RPS6KC1: variants seen among roughly 807,000 people sequenced by gnomAD.
RPS6KC1 encodes inactive ribosomal protein S6 kinase delta-1.
In RPS6KC1, 54 loss-of-function variants were observed where a neutral mutation model predicts 103.8. The ratio of observed to expected loss-of-function variants is 0.52; its 90% CI spans 0.42 to 0.65. The LOEUF is 0.65. RPS6KC1 is among the 30% of genes least tolerant of loss of function. RPS6KC1 has a pLI of 0.00. For synonymous variants in RPS6KC1, 439 were observed against 438.7 expected (o/e 1.00, Z -0.01); for missense variants, 1,151 against 1,253.8 (o/e 0.92, Z 1.24).
intron 4 of RPS6KC1, among the ~76,000 whole-genome samples, chr1:213,113,574 T>C (rs1462349427): frequency 6.6e-6 from 1 of 151,420 alleles, no homozygotes; most frequent in Non-Finnish European, 1.5e-5. Context: ...TTAGATCCCA[T>C]TTGTCAATTT....
the RPS6KC1 span, among the ~76,000 whole-genome samples, chr1:213,705,684 C>T: frequency 6.6e-6 from 1 of 152,226 alleles, no homozygotes; most frequent in Non-Finnish European, 1.5e-5. Context: ...TGCCCTGTAA[C>T]TACCACAGCT....
chr1:213,075,870 C>T (rs2079290416), intron 2 of RPS6KC1, among the ~76,000 whole-genome samples: 1 of 152,198 alleles, frequency 6.6e-6, no homozygotes, highest in African/African-American at 2.4e-5. Flanking sequence ...TGTCAGTCTA[C>T]TGACCACTTC....
intron 8 of RPS6KC1, among the ~76,000 whole-genome samples, chr1:213,197,812 T>C (rs932830670): frequency 2.0e-5 from 3 of 152,208 alleles, no homozygotes; most frequent in Admixed American, 6.5e-5. Flanking sequence ...AATACCTTTT[T>C]CCATCCCTTT....
At chr1:213,278,454 A>G (rs1558682641), downstream of RPS6KC1, among the ~76,000 whole-genome samples, 1 of 152,246 alleles carries the variant, frequency 6.6e-6, no homozygotes, top group African/African-American at 2.4e-5. Context: ...GATAATTTGT[A>G]GAACACTTGA....
intron 2 of RPS6KC1, among the ~76,000 whole-genome samples, chr1:213,076,530 A>T (rs938343124): frequency 7.2e-5 from 11 of 151,968 alleles, no homozygotes; most frequent in African/African-American, 2.2e-4. Flanking sequence ...GGGATTTAAA[A>T]CTCAATTTTA....
chr1:213,053,182 A>G (rs1350402246), intron 1 of RPS6KC1, among the ~76,000 whole-genome samples: 1 of 152,180 alleles, frequency 6.6e-6, no homozygotes, highest in Admixed American at 6.6e-5. Flanking sequence ...TTCCTAACAC[A>G]TAGTGTATGG....
the RPS6KC1 span, among the ~76,000 whole-genome samples, chr1:213,507,297 A>C: frequency 7.8e-4 from 118 of 152,064 alleles, 1 homozygote; most frequent in South Asian, 1.5e-3. Flanking sequence ...TGGCTCTGGC[A>C]CTCCTACCTG....
the RPS6KC1 span, among the ~76,000 whole-genome samples, chr1:213,602,098 T>TTC: frequency 0.087 from 1,421 of 16,322 alleles, 173 homozygotes; most frequent in Non-Finnish European, 0.12. Flanking sequence ...CTTTCTTTCT[T>TTC]TCTTTCTTTC....
chr1:213,644,936 A>G, the RPS6KC1 span, among the ~76,000 whole-genome samples: 3 of 152,154 alleles, frequency 2.0e-5, no homozygotes, highest in African/African-American at 7.2e-5. Flanking sequence ...CATTCCTTTT[A>G]TTGAAGGGCA....
intron 12 of RPS6KC1, among the ~76,000 whole-genome samples, chr1:213,258,478 A>C (rs1032601146): frequency 1.3e-5 from 2 of 152,216 alleles, no homozygotes; most frequent in African/African-American, 4.8e-5. Flanking sequence ...TTTTAGCTTC[A>C]CATAATTTAA....
At chr1:213,526,747 G>A in the RPS6KC1 span, among the ~76,000 whole-genome samples, 3 of 152,176 alleles carry the variant, frequency 2.0e-5, no homozygotes, top group African/African-American at 7.2e-5. Flanking sequence ...TCATAGGACA[G>A]TTCGGGGGAC....
the RPS6KC1 span, among the ~76,000 whole-genome samples, chr1:213,615,236 A>C: frequency 6.6e-6 from 1 of 152,082 alleles, no homozygotes; most frequent in Non-Finnish European, 1.5e-5. Context: ...GGGTATGGGG[A>C]AGTGTGGGAG....
chr1:213,151,601 T>C (rs2088929083), intron 6 of RPS6KC1, among the ~76,000 whole-genome samples: 1 of 90,884 alleles, frequency 1.1e-5, no homozygotes. Context: ...GGCGGGGGGC[T>C]GACCCCCCCA....
At chr1:213,804,892 G>T in the RPS6KC1 span, among the ~76,000 whole-genome samples, 1 of 152,134 alleles carries the variant, frequency 6.6e-6, no homozygotes, top group East Asian at 1.9e-4. Context: ...ACATATGCAG[G>T]CATACCTTGG....
chr1:213,744,478 C>A, the RPS6KC1 span, among the ~76,000 whole-genome samples: 2 of 152,150 alleles, frequency 1.3e-5, no homozygotes, highest in Non-Finnish European at 2.9e-5. Context: ...ATTGTCCCCC[C>A]ATGGGCCTTT....
At chr1:213,279,091 G>T (rs2095118024), downstream of RPS6KC1, among the ~76,000 whole-genome samples, 1 of 152,142 alleles carries the variant, frequency 6.6e-6, no homozygotes, top group Non-Finnish European at 1.5e-5. Context: ...TCTCTAGGTT[G>T]TGGGGAACTA....
At chr1:213,339,178 A>G in the RPS6KC1 span, among the ~76,000 whole-genome samples, 1 of 152,218 alleles carries the variant, frequency 6.6e-6, no homozygotes, top group Non-Finnish European at 1.5e-5. Context: ...AGGCAGGATA[A>G]TCACTTGAAC....
chr1:213,116,043 G>C (rs2083561556), intron 4 of RPS6KC1, among the ~76,000 whole-genome samples: 1 of 152,008 alleles, frequency 6.6e-6, no homozygotes, highest in Admixed American at 6.6e-5. Flanking sequence ...ATTTGGGGTG[G>C]AGAGTTCTGT....
At chr1:213,603,191 G>C in the RPS6KC1 span, among the ~76,000 whole-genome samples, 1 of 152,226 alleles carries the variant, frequency 6.6e-6, no homozygotes, top group African/African-American at 2.4e-5. Context: ...CCACACAGCT[G>C]GCTGAAGACA....
Sources: allele counts gnomAD v4.1 joint callset (sites outside exome capture counted in the v4.1 genomes callset), GRCh38; gene constraint gnomAD v4.1.1; transcripts MANE v1.5; gene names NCBI Gene and HGNC (gene_info 2026-07-23, HGNC 2026-07-21).